The following PAM variants were observed in gnomAD, a reference collection of about 807,000 sequenced individuals.
PAM encodes the protein peptidyl-glycine alpha-amidating monooxygenase.
Under a neutral mutation model 122.1 loss-of-function variants are expected in PAM, and 72 were observed. The ratio of observed to expected loss-of-function variants is 0.59; its 90% CI spans 0.49 to 0.72. The LOEUF is 0.72. Ranked by LOEUF, PAM falls within the 30% of genes least tolerant of loss-of-function variation. The probability of loss-of-function intolerance (pLI) is 0.00; values close to 1 mark genes in which losing one functional copy is unlikely to be tolerated. For synonymous variants in PAM, 389 were observed against 404.4 expected (o/e 0.96, Z 0.46); for missense variants, 1,106 against 1,183.7 (o/e 0.93, Z 0.96).
At chr5:102,953,009 A>C (rs949091516) in intron 12 of PAM, among the ~76,000 whole-genome samples, 3 of 152,150 alleles carry the variant, frequency 2.0e-5, no homozygotes, top group African/African-American at 7.2e-5. Context: ...GTACTGCGAG[A>C]ACTCTCAGCT....
chr5:102,923,687 C>T (rs1043450900), intron 5 of PAM, among the ~76,000 whole-genome samples: 5 of 152,116 alleles, frequency 3.3e-5, no homozygotes, highest in East Asian at 1.9e-4. Context: ...TCTGAGTTAC[C>T]GCACTGAGTG....
chr5:102,876,668 T>C (rs1789304173), intron 3 of PAM, among the ~76,000 whole-genome samples: 1 of 152,128 alleles, frequency 6.6e-6, no homozygotes, highest in African/African-American at 2.4e-5. Flanking sequence ...GAAAAAGTAG[T>C]ATGTGGGGGC....
In PAM at chr5:102,858,384, T is replaced by C. The variant is rs533250807; in HGVS notation, c.-373-7439T>C. ...TTTTGATTGCCATAACTGAGGGGAA[T>C]GCTACTGGCATCTAGTGGGTGGAGG... On this transcript the variant is annotated intron_variant, in intron 1 of 25. Coordinates refer to ENST00000438793, the MANE Select transcript of PAM (RefSeq NM_001177306.2). Among the ~76,000 whole-genome samples the C allele has an allele frequency of 2.0e-5, 3 of 152,294 alleles. No individual in the cohort carries two copies. In the East Asian group the frequency reaches 5.8e-4, roughly 29 times the overall value.
chr5:102,859,851 T>G (rs906661137), intron 1 of PAM, among the ~76,000 whole-genome samples: 11 of 152,190 alleles, frequency 7.2e-5, no homozygotes, highest in Non-Finnish European at 1.2e-4. Flanking sequence ...TATGTTTGAG[T>G]TGTTTCCAGT....
intron 1 of PAM, among the ~76,000 whole-genome samples, chr5:102,782,348 T>C (rs181917975): frequency 5.9e-5 from 9 of 152,344 alleles, no homozygotes; most frequent in Admixed American, 5.9e-4. Flanking sequence ...CAAAGTCATC[T>C]TCCTTGTTTG....
intron 1 of PAM, among the ~76,000 whole-genome samples, chr5:102,782,866 C>G (rs1230886059): frequency 6.6e-6 from 1 of 150,518 alleles, no homozygotes; most frequent in African/African-American, 2.4e-5. Flanking sequence ...TCTGCCTTTT[C>G]AAAGTTTTCT....
At chr5:102,755,689 C>G (rs1268740185) in intron 1 of PAM, among the ~76,000 whole-genome samples, 1 of 151,950 alleles carries the variant, frequency 6.6e-6, no homozygotes, top group Non-Finnish European at 1.5e-5. Context: ...TGTGCCCTCT[C>G]CCTAGGGGGT....
intron 20 of PAM, 81 bp from the exon 21 acceptor site, chr5:103,009,669 CT>C (rs1229995583): frequency 3.8e-6 from 3 of 780,410 alleles, no homozygotes; most frequent in Non-Finnish European, 6.8e-6. Context: ...TAAATTTATT[CT>C]TTGCATAATA....
At chr5:102,853,499 G>A (rs921343808) in intron 1 of PAM, among the ~76,000 whole-genome samples, 4 of 152,148 alleles carry the variant, frequency 2.6e-5, no homozygotes, top group Non-Finnish European at 5.9e-5. Context: ...TGTAAATTTA[G>A]AAAAATAAAA....
At chr5:102,975,923 C>G (rs1767494418) in intron 15 of PAM, among the ~76,000 whole-genome samples, 2 of 152,154 alleles carry the variant, frequency 1.3e-5, no homozygotes, top group Admixed American at 1.3e-4. Flanking sequence ...GTGTCCCAGT[C>G]AGAATTTGAC....
chr5:103,026,652 G>A (rs1334722417), intron 24 of PAM, among the ~76,000 whole-genome samples: 1 of 152,116 alleles, frequency 6.6e-6, no homozygotes, highest in Non-Finnish European at 1.5e-5. Context: ...GTACTGATAT[G>A]TCCCCAGCAC....
chr5:102,866,332 G>A, intron 2 of PAM, 48 bp downstream of exon 2: 1 of 1,230,468 alleles, frequency 8.1e-7, no homozygotes, highest in South Asian at 1.2e-5. Flanking sequence ...GTTGAGAAAT[G>A]TAATCACTTT....
chr5:103,007,391 T>A (rs1299226630), intron 19 of PAM, 66 bp from the exon 20 acceptor site: 1 of 1,313,552 alleles, frequency 7.6e-7, no homozygotes, highest in Admixed American at 1.7e-5. Context: ...TTTAGAAACA[T>A]ACTAGAGAGT....
intron 15 of PAM, among the ~76,000 whole-genome samples, chr5:102,981,530 TAG>T (rs1221151899): frequency 1.3e-5 from 2 of 151,438 alleles, no homozygotes; most frequent in Non-Finnish European, 2.9e-5. Flanking sequence ...CATAAACAAG[TAG>T]AGACTAAAAC....
chr5:102,907,147 A>G (rs1799817303), intron 4 of PAM, among the ~76,000 whole-genome samples: 1 of 151,714 alleles, frequency 6.6e-6, no homozygotes, highest in Non-Finnish European at 1.5e-5. Context: ...TGAAGTCCTC[A>G]TAAACCACCA....
chr5:102,804,681 C>T (rs992757920), intron 1 of PAM, among the ~76,000 whole-genome samples: 1 of 152,168 alleles, frequency 6.6e-6, no homozygotes, highest in African/African-American at 2.4e-5. Context: ...TGTTGCTCAT[C>T]TGGACTAGGA....
At chr5:102,848,485 G>A (rs1474993955) in intron 1 of PAM, among the ~76,000 whole-genome samples, 1 of 152,100 alleles carries the variant, frequency 6.6e-6, no homozygotes, top group Non-Finnish European at 1.5e-5. Context: ...ACTTATGAGC[G>A]TCCCACAAAG....
intron 1 of PAM, among the ~76,000 whole-genome samples, chr5:102,812,083 C>T (rs749272543): frequency 6.6e-6 from 1 of 152,160 alleles, no homozygotes; most frequent in Non-Finnish European, 1.5e-5. Context: ...AATGTGAAAT[C>T]TAGTAACCCT....
chr5:102,923,284 T>C (rs1482121776), intron 5 of PAM, among the ~76,000 whole-genome samples: 1 of 152,294 alleles, frequency 6.6e-6, no homozygotes, highest in East Asian at 1.9e-4. Flanking sequence ...TTCTTACCAG[T>C]GGTTTTCATA....
Sources: allele counts gnomAD v4.1 joint callset (sites outside exome capture counted in the v4.1 genomes callset), GRCh38; gene constraint gnomAD v4.1.1; transcripts MANE v1.5; gene names NCBI Gene and HGNC (gene_info 2026-07-23, HGNC 2026-07-21).